ZNF512: variants seen among roughly 807,000 people sequenced by gnomAD.
ZNF512 encodes zinc finger protein 512.
A neutral mutation model predicts 77.5 loss-of-function variants in ZNF512; 25 were observed. The ratio of observed to expected loss-of-function variants is 0.32; its 90% CI spans 0.23 to 0.45. The LOEUF (loss-of-function observed/expected upper bound fraction) is 0.45, where lower values mean the gene tolerates loss of function less well. ZNF512 is among the 20% of genes least tolerant of loss of function. The probability of loss-of-function intolerance (pLI) is 1.00; values close to 1 mark genes in which losing one functional copy is unlikely to be tolerated. For missense variants in ZNF512, 483 were observed against 692.6 expected (o/e 0.70, Z 3.40); for synonymous variants, 246 against 239.9 (o/e 1.03, Z -0.24).
rs767964486 is a variant in ZNF512 at position 27,610,568 on chromosome 2, ATTTTTTTTTT to A, written c.1131+2552_1131+2561del. Reference sequence around the variant, plus strand: ...TGTATATATATATATATATATATATATTTTTTTTTTTTTTTTTTTTTTTTTTTTTTTTGAG... The same window carrying A: ...TGTATATATATATATATATATATATATTTTTTTTTTTTTTTTTTTTTTGAG... On this transcript the variant is annotated intron_variant, in intron 10 of 13. Transcript: ENST00000355467. 8.0e-3 allele frequency among the ~76,000 whole-genome samples: 145 copies of A among 18,182 alleles called. 14 individuals carry two copies. Among genetic ancestry groups the A allele is most frequent in the African/African-American group, 0.02 (138 of 6,776 alleles). The allele number at this position is 18,182 out of a possible 152,430, so 11.9% of individuals were successfully genotyped here.
chr2:27,601,829 G>A (rs907589851), intron 7 of ZNF512, among the ~76,000 whole-genome samples: 1 of 152,186 alleles, frequency 6.6e-6, no homozygotes, highest in African/African-American at 2.4e-5. Context: ...TGTATTTTTA[G>A]TAGAGATGGC....
At chr2:27,583,565 A>G in intron 1 of ZNF512, 93 bp from the exon 2 acceptor site, 1 of 1,550,800 alleles carries the variant, frequency 6.4e-7, no homozygotes, top group Non-Finnish European at 8.7e-7. Context: ...TCCCCGGGAG[A>G]ACTTCATTTC....
In ZNF512 at chr2:27,588,483, CT is replaced by C. The variant is rs576900419; in HGVS notation, c.89+4775del. 2.3e-4 allele frequency among the ~76,000 whole-genome samples: 35 copies of C among 151,952 alleles called. No individual in the cohort carries two copies. In the South Asian group the frequency reaches 2.5e-3, roughly 11 times the overall value. ...GTTTTATGGTAAGGGTCAATGTTGA[CT>C]TTTTTTTCTATTTATATACCCAGTT... On this transcript the variant is annotated intron_variant, in intron 2 of 13. Transcript: ENST00000355467.
intron 2 of ZNF512, among the ~76,000 whole-genome samples, chr2:27,587,804 C>A (rs759906173): frequency 1.3e-5 from 2 of 152,102 alleles, no homozygotes. Flanking sequence ...GCTCACCCTC[C>A]GGAGTAGCTG....
chr2:27,611,190 C>T (rs1030044043), intron 10 of ZNF512, among the ~76,000 whole-genome samples: 10 of 152,182 alleles, frequency 6.6e-5, no homozygotes, highest in African/African-American at 1.9e-4. Flanking sequence ...CACCTAGCTT[C>T]TCCTAATGCC....
intron 10 of ZNF512, among the ~76,000 whole-genome samples, chr2:27,612,649 A>G (rs1371989441): frequency 6.6e-6 from 1 of 152,190 alleles, no homozygotes; most frequent in Admixed American, 6.5e-5. Flanking sequence ...GATTATCCAC[A>G]GTATATTTAC....
intron 2 of ZNF512, among the ~76,000 whole-genome samples, chr2:27,584,369 C>T (rs1334763850): frequency 6.6e-6 from 1 of 152,218 alleles, no homozygotes; most frequent in Non-Finnish European, 1.5e-5. Flanking sequence ...TTATTTAGTA[C>T]ACTGAAGGTG....
At chr2:27,588,573 A>G (rs1010820263) in intron 2 of ZNF512, among the ~76,000 whole-genome samples, 4 of 152,078 alleles carry the variant, frequency 2.6e-5, no homozygotes, top group African/African-American at 4.8e-5. Flanking sequence ...TCACTTGGAC[A>G]TGTATATGTG....
intron 13 of ZNF512, among the ~76,000 whole-genome samples, 170 bp from the exon 14 acceptor site, chr2:27,620,983 G>A (rs941249562): frequency 6.6e-6 from 1 of 152,188 alleles, no homozygotes; most frequent in Non-Finnish European, 1.5e-5. Context: ...TAGCTGCTCT[G>A]TGTTGGATTT....
At position 27,607,890 on chromosome 2, in the gene ZNF512, A is replaced by T. The variant is rs1431725724; in HGVS notation, c.982A>T (p.Met328Leu). The T allele has an allele frequency of 6.2e-7, 1 of 1,614,008 alleles. No individual in the cohort carries two copies. Among genetic ancestry groups the T allele is most frequent in the Admixed American group, 1.7e-5 (1 of 59,986 alleles). The change falls in exon 10 of 14, where the codon ATG becomes TTG. Residue 328 changes from methionine (M) to leucine (L), a missense_variant. Physicochemically the swap from Met to Leu is conservative, Grantham distance 15. Transcript: ENST00000355467. ...AGGACAGCCAGAGTGCTTAAAGGAG[A>T]TGAACCTAGAGTCAAAGAGTGGGGG... ...ESGQPECLKEMNLESKSGGRV... is the reference protein window; with the variant it reads ...ESGQPECLKELNLESKSGGRV...
chr2:27,616,855 AT>A (rs1005134935), intron 12 of ZNF512, among the ~76,000 whole-genome samples: 23 of 152,214 alleles, frequency 1.5e-4, no homozygotes, highest in Admixed American at 1.4e-3. Flanking sequence ...AATTGCTGCC[AT>A]TTTCCAATCT....
At chr2:27,606,841 A>G (rs919728356) in intron 9 of ZNF512, among the ~76,000 whole-genome samples, 1 of 152,168 alleles carries the variant, frequency 6.6e-6, no homozygotes, top group Non-Finnish European at 1.5e-5. Context: ...GTTCTTTTTT[A>G]GAGGCTCTAG....
intron 13 of ZNF512, 33 bp from the exon 14 acceptor site, chr2:27,621,119 TC>T: frequency 1.3e-6 from 2 of 1,593,962 alleles, no homozygotes; most frequent in Non-Finnish European, 1.7e-6. Flanking sequence ...CACTATATTT[TC>T]GACTGGATGA....
At chr2:27,583,297 C>G in intron 1 of ZNF512, 155 bp downstream of exon 1, 1 of 1,321,852 alleles carries the variant, frequency 7.6e-7, no homozygotes, top group Non-Finnish European at 1.1e-6. Flanking sequence ...TTTTTCTTTA[C>G]CCACGTTCTG....
chr2:27,603,655 G>A (rs1672233055), intron 9 of ZNF512, among the ~76,000 whole-genome samples: 1 of 147,642 alleles, frequency 6.8e-6, no homozygotes, highest in Admixed American at 6.8e-5. Context: ...GCAGTGGTGG[G>A]ATCATAGCTC....
At chr2:27,605,701 C>T (rs994177212) in intron 9 of ZNF512, among the ~76,000 whole-genome samples, 5 of 152,064 alleles carry the variant, frequency 3.3e-5, no homozygotes, top group Admixed American at 2.0e-4. Context: ...ATCTTGAACT[C>T]CTGGGCTAAA....
In ZNF512 at chr2:27,598,142, A is replaced by G. The variant is rs1459323283; in HGVS notation, c.165A>G (p.Ser55=). The part of the protein sequence containing the change: ...TIPHDDSLSG[S]SSASSCEPVS... The stretch of plus-strand genomic sequence containing the variant: ...CTCATGATGACTCCTTAAGTGGTTC[A>G]TCGTCTGCATCTTCGTGTGAACCAG... Residue 55 remains serine (S), a synonymous_variant, in exon 3 of 14, where the codon TCA becomes TCG. Coordinates refer to ENST00000355467, the MANE Select transcript of ZNF512 (RefSeq NM_032434.4). 1.9e-6 allele frequency: 3 copies of G among 1,614,028 alleles called. No homozygotes were observed. Among genetic ancestry groups the G allele is most frequent in the East Asian group, 4.5e-5 (2 of 44,888 alleles).
At chr2:27,593,480 T>C (rs552411632) in intron 2 of ZNF512, among the ~76,000 whole-genome samples, 3 of 150,702 alleles carry the variant, frequency 2.0e-5, no homozygotes, top group Non-Finnish European at 4.4e-5. Flanking sequence ...ATTTAGTGGG[T>C]ATGATGGTGT....
Position 27,583,078 on chromosome 2 carries a change from C to G in ZNF512, c.-35C>G, listed in dbSNP as rs574024975. ...GAAGTGGCGTTGGTCTGGCCGGAGCCCTTGGGTGAAATTGTTAGGCGTGGA... is the reference window on the plus strand; with the variant it reads ...GAAGTGGCGTTGGTCTGGCCGGAGCGCTTGGGTGAAATTGTTAGGCGTGGA... On this transcript the variant is annotated 5_prime_UTR_variant, in exon 1 of 14. Coordinates refer to ENST00000355467, the MANE Select transcript of ZNF512 (RefSeq NM_032434.4). The G allele has an allele frequency of 2.9e-5, 46 of 1,614,002 alleles. No individual in the cohort carries two copies. In the South Asian group the frequency reaches 4.4e-4, roughly 15 times the overall value.
Sources: allele counts gnomAD v4.1 joint callset (sites outside exome capture counted in the v4.1 genomes callset), GRCh38; gene constraint gnomAD v4.1.1; transcripts MANE v1.5; gene names NCBI Gene and HGNC (gene_info 2026-07-23, HGNC 2026-07-21).